The following SEMA3F variants were observed in gnomAD, a reference collection of about 807,000 sequenced individuals.
The protein encoded by SEMA3F is semaphorin-3F.
In SEMA3F, 30 loss-of-function variants were observed where a neutral mutation model predicts 98.5. The observed-to-expected ratio is 0.30, with a 90% confidence interval of 0.23 to 0.41. SEMA3F has a LOEUF of 0.41. SEMA3F is among the 10% of genes least tolerant of loss of function. SEMA3F has a pLI of 1.00. For synonymous variants in SEMA3F, 380 were observed against 444.8 expected (o/e 0.85, Z 1.83); for missense variants, 866 against 1,119.3 (o/e 0.77, Z 3.23).
At chr3:50,162,383 G>A (rs1698239380) in intron 2 of SEMA3F, among the ~76,000 whole-genome samples, 1 of 152,318 alleles carries the variant, frequency 6.6e-6, no homozygotes, top group South Asian at 2.1e-4. Flanking sequence ...CCAGCTTCTG[G>A]GCTTCAGCAG....
chr3:50,182,211 T>G lies in SEMA3F; in HGVS notation c.644-73T>G. ...TGAGCGGGGAGATAAGGCCCTGCCC[T>G]GGAAGTCATCTGAGCTGTGCCCTGG... On this transcript the variant is annotated intron_variant, in intron 7 of 18. Coordinates refer to ENST00000002829, the MANE Select transcript of SEMA3F (RefSeq NM_004186.5). The surrounding 1 kb of genome is among the most constrained non-coding windows in gnomAD (Gnocchi z 4.5). 1 of 1,604,806 alleles carries G rather than the reference T, an allele frequency of 6.2e-7. No individual in the cohort carries two copies. The highest frequency in any genetic ancestry group is 1.1e-5 in the South Asian group (1 of 90,776).
intron 1 of SEMA3F, among the ~76,000 whole-genome samples, chr3:50,157,731 G>A (rs1698044276): frequency 6.6e-6 from 1 of 152,148 alleles, no homozygotes; most frequent in Admixed American, 6.5e-5. Context: ...ATTTGGATGG[G>A]AAGTCCCTGT....
At position 50,155,380 on chromosome 3, in the gene SEMA3F, C is replaced by A. The variant is rs1697933396; in HGVS notation, c.-233C>A. 1 of 288,972 alleles carries A rather than the reference C, an allele frequency of 3.5e-6. No individual in the cohort carries two copies. Among genetic ancestry groups the A allele is most frequent in the Non-Finnish European group, 6.3e-6 (1 of 158,376 alleles). The allele number at this position is 288,972 out of a possible 1,614,324, so 17.9% of individuals were successfully genotyped here. On this transcript the variant is annotated 5_prime_UTR_variant, in exon 1 of 19. Transcript: ENST00000002829. This position sits in a 1 kb window ranked among gnomAD's most constrained non-coding sequence, Gnocchi z 4.9. ...TGGGGCCCGGGCCCTCGGCTGCTGA[C>A]GCGCCCGAAGCCCGCGGAACCGGTT... is the stretch of plus-strand genomic sequence containing the variant.
Position 50,188,239 on chromosome 3 carries a change from C to T in SEMA3F, c.*124C>T. The T allele has an allele frequency of 2.9e-6, 1 of 346,314 alleles. No homozygotes were observed. The highest frequency in any genetic ancestry group is 4.5e-6 in the Non-Finnish European group (1 of 220,322). The allele number at this position is 346,314 out of a possible 1,614,324, so 21.5% of individuals were successfully genotyped here. ...TATACACACCCTGCCCCTGCAAAGA[C>T]AGTATTTATTGGTGGGTTGAATATA... On this transcript the variant is annotated 3_prime_UTR_variant, in exon 19 of 19. Coordinates refer to ENST00000002829, the MANE Select transcript of SEMA3F (RefSeq NM_004186.5). The surrounding 1 kb of genome is among the most constrained non-coding windows in gnomAD (Gnocchi z 4.5).
At chr3:50,172,837 G>A (rs931967206) in intron 2 of SEMA3F, among the ~76,000 whole-genome samples, 1 of 152,134 alleles carries the variant, frequency 6.6e-6, no homozygotes, top group Admixed American at 6.5e-5. Flanking sequence ...GGGCATCCAG[G>A]CTCCATGCCA....
chr3:50,187,642 G>A (rs532494770), intron 18 of SEMA3F, 63 bp from the exon 19 acceptor site: 21 of 1,438,478 alleles, frequency 1.5e-5, no homozygotes, highest in Middle Eastern at 1.8e-4. Flanking sequence ...GTCTGATCTG[G>A]TTGCTGGCTA....
intron 7 of SEMA3F, among the ~76,000 whole-genome samples, chr3:50,180,693 C>T (rs539046690): frequency 6.6e-6 from 1 of 152,150 alleles, no homozygotes; most frequent in East Asian, 1.9e-4. Context: ...TTCACGGTGC[C>T]CCGAAATAAT....
chr3:50,185,958 G>T lies in SEMA3F; in HGVS notation c.1657G>T (p.Ala553Ser). ...LSLHRCQAYG[A>S]ACADCCLARD... ...CCTGCACCGCTGCCAGGCGTATGGG[G>T]CTGCCTGTGCTGACTGCTGCCTTGC... The change falls in exon 16 of 19, where the codon GCT becomes TCT. Residue 553 changes from alanine to serine, a missense_variant. This residue lies in a region of SEMA3F where 374 missense variants were observed against 582.8 expected (regional missense o/e 0.64). Transcript: ENST00000002829. 2 of 1,614,070 alleles carry T rather than the reference G, an allele frequency of 1.2e-6. No homozygotes were observed. The highest frequency in any genetic ancestry group is 1.7e-6 in the Non-Finnish European group (2 of 1,179,992).
At chr3:50,175,228 C>T (rs780338425) in intron 6 of SEMA3F, 40 bp downstream of exon 6, 25 of 1,407,658 alleles carry the variant, frequency 1.8e-5, no homozygotes, top group Middle Eastern at 3.5e-4. Flanking sequence ...GGCAGCACTG[C>T]CTCTGAGCGG....
chr3:50,181,295 TTTG>T (rs1699006283), intron 7 of SEMA3F, among the ~76,000 whole-genome samples: 1 of 152,014 alleles, frequency 6.6e-6, no homozygotes. Context: ...ATGCTCTTTT[TTTG>T]TTTTTTTGTG....
intron 2 of SEMA3F, among the ~76,000 whole-genome samples, chr3:50,172,344 T>C (rs921404124): frequency 6.6e-6 from 1 of 152,136 alleles, no homozygotes; most frequent in African/African-American, 2.4e-5. Context: ...CCTCTTTTGC[T>C]GAGCTAAAGA....
intron 7 of SEMA3F, among the ~76,000 whole-genome samples, chr3:50,178,918 G>T (rs574913463): frequency 7.4e-6 from 1 of 134,720 alleles, no homozygotes; most frequent in African/African-American, 2.8e-5. Flanking sequence ...TGCAAGTTCC[G>T]CCTCCCGGGT....
chr3:50,186,792 A>T, intron 18 of SEMA3F, 46 bp downstream of exon 18: 2 of 1,524,784 alleles, frequency 1.3e-6, no homozygotes, highest in Non-Finnish European at 1.8e-6. Flanking sequence ...GAGTCCTTGC[A>T]CAGTGGTGAA....
intron 2 of SEMA3F, among the ~76,000 whole-genome samples, chr3:50,161,247 A>G (rs1698197196): frequency 6.6e-6 from 1 of 152,164 alleles, no homozygotes; most frequent in Non-Finnish European, 1.5e-5. Flanking sequence ...CAGGAGGGGC[A>G]AAACAGAGAG....
In SEMA3F at chr3:50,187,706, T is replaced by C; in HGVS notation, c.1949T>C (p.Ile650Thr). Residue 650 changes from isoleucine (I) to threonine (T), a missense_variant and splice_region_variant, in exon 19 of 19, where the codon ATT becomes ACT. Coordinates refer to ENST00000002829, the MANE Select transcript of SEMA3F (RefSeq NM_004186.5). ...QRDPGDRRRE[I>T]RAEDRFLRTE... ...AACCCCCTCTCCTTGCCCCTGCAGA[T>C]TCGTGCAGAGGACCGCTTCCTGCGC... 6.3e-7 allele frequency: 1 copy of C among 1,581,578 alleles called. No individual in the cohort carries two copies. Among genetic ancestry groups the C allele is most frequent in the Non-Finnish European group, 8.6e-7 (1 of 1,158,252 alleles).
chr3:50,179,686 T>G (rs757393738), intron 7 of SEMA3F, among the ~76,000 whole-genome samples: 8 of 152,366 alleles, frequency 5.3e-5, no homozygotes, highest in Non-Finnish European at 1.2e-4. Context: ...ATCCATGATC[T>G]TATCTAAATC....
intron 2 of SEMA3F, among the ~76,000 whole-genome samples, chr3:50,162,572 A>T (rs1043432803): frequency 6.6e-6 from 1 of 152,144 alleles, no homozygotes; most frequent in Non-Finnish European, 1.5e-5. Flanking sequence ...ATCACTGCCA[A>T]ATCTCAGAGA....
chr3:50,175,251 G>A (rs1006666042), intron 6 of SEMA3F, 63 bp downstream of exon 6: 11 of 1,210,566 alleles, frequency 9.1e-6, no homozygotes, highest in Non-Finnish European at 1.3e-5. Context: ...CTCACCCTGG[G>A]CCTGCACCTG....
chr3:50,183,224 C>G lies in SEMA3F; in HGVS notation c.1057C>G (p.Pro353Ala). 6.2e-7 allele frequency: 1 copy of G among 1,614,182 alleles called. No homozygotes were observed. The highest frequency in any genetic ancestry group is 1.3e-5 in the African/African-American group (1 of 75,080). Reference sequence around the variant, plus strand: ...CCAGCAGACCCAGGACGTGAGGAACCCTGTCATTTACGCTGTCTTTACCTC... The same window carrying G: ...CCAGCAGACCCAGGACGTGAGGAACGCTGTCATTTACGCTGTCTTTACCTC... ...FVQQTQDVRNPVIYAVFTSSG... is the reference protein window; with the variant it reads ...FVQQTQDVRNAVIYAVFTSSG... The change falls in exon 11 of 19, where the codon CCT becomes GCT. Residue 353 changes from proline (P) to alanine (A), a missense_variant. Transcript: ENST00000002829.
Sources: allele counts gnomAD v4.1 joint callset (sites outside exome capture counted in the v4.1 genomes callset), GRCh38; gene constraint gnomAD v4.1.1; regional missense constraint gnomAD v4.1.1; non-coding constraint Gnocchi (gnomAD v3.1); transcripts MANE v1.5; gene names NCBI Gene and HGNC (gene_info 2026-07-23, HGNC 2026-07-21).